Variants in PALLD observed in about 807,000 individuals in gnomAD.
PALLD encodes the protein palladin, cytoskeletal associated protein, also known as palladin.
Under a neutral mutation model 123.5 loss-of-function variants are expected in PALLD, and 61 were observed. That is an observed-to-expected ratio of 0.49 (90% CI 0.40 to 0.61). PALLD has a LOEUF of 0.61. PALLD is among the 20% of genes least tolerant of loss of function. The pLI is 0.00. For synonymous variants in PALLD, 465 were observed against 496.4 expected (o/e 0.94, Z 0.84); for missense variants, 1,273 against 1,377.0 (o/e 0.92, Z 1.20).
At chr4:168,556,635 T>G (rs1366289316) in intron 2 of PALLD, among the ~76,000 whole-genome samples, 1 of 152,218 alleles carries the variant, frequency 6.6e-6, no homozygotes, top group Non-Finnish European at 1.5e-5. Context: ...ACTCTTACCC[T>G]GTGTTATTTT....
chr4:168,747,550 G>A (rs936710293), intron 10 of PALLD, among the ~76,000 whole-genome samples: 7 of 152,202 alleles, frequency 4.6e-5, no homozygotes, highest in Non-Finnish European at 8.8e-5. Context: ...AGATGTCCAA[G>A]GAAATTCAGG....
intron 10 of PALLD, among the ~76,000 whole-genome samples, chr4:168,775,403 T>C (rs1735042525): frequency 6.6e-6 from 1 of 152,216 alleles, no homozygotes; most frequent in South Asian, 2.1e-4. Flanking sequence ...TGTTTTCTTA[T>C]TATCAAGTTT....
intron 1 of PALLD, among the ~76,000 whole-genome samples, chr4:168,508,449 G>A (rs760921449): frequency 6.6e-6 from 1 of 152,148 alleles, no homozygotes. Flanking sequence ...AATACACTTC[G>A]AGTGGGTAAT....
chr4:168,672,758 A>G (rs1305020973), intron 3 of PALLD, among the ~76,000 whole-genome samples: 1 of 152,162 alleles, frequency 6.6e-6, no homozygotes, highest in African/African-American at 2.4e-5. Flanking sequence ...TCGCCCGGCC[A>G]AGATGAACTT....
intron 10 of PALLD, among the ~76,000 whole-genome samples, chr4:168,809,460 C>T (rs891307813): frequency 6.6e-6 from 1 of 151,972 alleles, no homozygotes; most frequent in Admixed American, 6.6e-5. Flanking sequence ...TAGTTATCCA[C>T]CTAGAGAGAA....
chr4:168,917,371 G>A (rs890637828), intron 17 of PALLD, among the ~76,000 whole-genome samples: 3 of 152,052 alleles, frequency 2.0e-5, no homozygotes, highest in Non-Finnish European at 4.4e-5. Flanking sequence ...TTTAACCCAA[G>A]GTCCTTGGGT....
At chr4:168,556,679 CATT>C (rs1267389394) in intron 2 of PALLD, among the ~76,000 whole-genome samples, 1 of 152,124 alleles carries the variant, frequency 6.6e-6, no homozygotes, top group Non-Finnish European at 1.5e-5. Context: ...AGAGGAACAT[CATT>C]GTTACTATCA....
chr4:168,894,775 G>A, intron 12 of PALLD, 98 bp downstream of exon 12: 1 of 1,542,280 alleles, frequency 6.5e-7, no homozygotes, highest in East Asian at 2.4e-5. Flanking sequence ...TCTGTGGAAA[G>A]TAGAGGGCAA....
At chr4:168,787,476 G>A (rs754635819) in intron 10 of PALLD, among the ~76,000 whole-genome samples, 9 of 152,204 alleles carry the variant, frequency 5.9e-5, no homozygotes, top group Non-Finnish European at 1.0e-4. Context: ...AACCTGTGCT[G>A]TCAGCACAGT....
intron 2 of PALLD, among the ~76,000 whole-genome samples, chr4:168,560,115 T>C (rs1767720282): frequency 6.6e-6 from 1 of 152,202 alleles, no homozygotes; most frequent in Admixed American, 6.5e-5. Flanking sequence ...TAATGATCAA[T>C]GCAGCAACTT....
intron 10 of PALLD, among the ~76,000 whole-genome samples, chr4:168,739,143 T>G (rs1788074487): frequency 1.3e-5 from 2 of 152,236 alleles, no homozygotes; most frequent in African/African-American, 4.8e-5. Flanking sequence ...CCATTGTGTA[T>G]ATATACCACA....
intron 10 of PALLD, among the ~76,000 whole-genome samples, chr4:168,732,580 A>G (rs1024688970): frequency 2.0e-5 from 3 of 152,226 alleles, no homozygotes; most frequent in South Asian, 2.1e-4. Flanking sequence ...ACAAATATCT[A>G]TAAGGCTAGG....
At chr4:168,710,999 C>T (rs140080503) in intron 9 of PALLD, among the ~76,000 whole-genome samples, 18 of 152,232 alleles carry the variant, frequency 1.2e-4, no homozygotes, top group African/African-American at 3.9e-4. Flanking sequence ...CTAAAAAAGA[C>T]GTGATCTCAA....
At chr4:168,535,718 G>C (rs768612628) in intron 2 of PALLD, among the ~76,000 whole-genome samples, 2 of 152,182 alleles carry the variant, frequency 1.3e-5, no homozygotes, top group South Asian at 4.2e-4. Flanking sequence ...TGTTCCATTT[G>C]AACACCCATT....
chr4:168,709,775 G>A (rs576674148), intron 9 of PALLD, among the ~76,000 whole-genome samples: 2 of 152,028 alleles, frequency 1.3e-5, no homozygotes, highest in African/African-American at 2.4e-5. Flanking sequence ...GGAGAAGAAG[G>A]AGTGAAGTGG....
chr4:168,789,749 C>T (rs1044484708), intron 10 of PALLD, among the ~76,000 whole-genome samples: 1 of 150,806 alleles, frequency 6.6e-6, no homozygotes, highest in Non-Finnish European at 1.5e-5. Context: ...AACTTGAACA[C>T]AAACACTTTC....
chr4:168,901,047 T>C (rs1756405025), intron 14 of PALLD, among the ~76,000 whole-genome samples: 1 of 152,218 alleles, frequency 6.6e-6, no homozygotes, highest in Non-Finnish European at 1.5e-5. Flanking sequence ...ATTTAAATGT[T>C]TCACAGCTAG....
At chr4:168,854,161 GTCATTCATTCAT>G (rs35153183) in intron 10 of PALLD, among the ~76,000 whole-genome samples, 44,261 of 151,250 alleles carry the variant, frequency 0.29, 8,143 homozygotes, top group African/African-American at 0.52. Context: ...TACTCATGGA[GTCATTCATTCAT>G]TCATTCATTC....
chr4:168,705,523 G>T (rs538439850), intron 8 of PALLD, among the ~76,000 whole-genome samples: 61 of 152,234 alleles, frequency 4.0e-4, no homozygotes, highest in African/African-American at 1.3e-3. Context: ...GGAACCGTTT[G>T]TTCTTATTGT....
Sources: allele counts gnomAD v4.1 joint callset (sites outside exome capture counted in the v4.1 genomes callset), GRCh38; gene constraint gnomAD v4.1.1; transcripts MANE v1.5; gene names NCBI Gene and HGNC (gene_info 2026-07-23, HGNC 2026-07-21).